Variants in EXOSC7 observed in about 807,000 individuals in gnomAD.
The protein encoded by EXOSC7 is exosome component 7.
In EXOSC7, 25 loss-of-function variants were observed where a neutral mutation model predicts 34.3. The ratio of observed to expected loss-of-function variants is 0.73; its 90% CI spans 0.53 to 1.02. EXOSC7 has a LOEUF of 1.02. Ranked by LOEUF, EXOSC7 falls within the 50% of genes least tolerant of loss-of-function variation. The pLI, the probability that EXOSC7 is intolerant of heterozygous loss-of-function variation, is 0.00. For missense variants in EXOSC7, 370 were observed against 368.5 expected (o/e 1.00, Z -0.03); for synonymous variants, 130 against 143.0 (o/e 0.91, Z 0.65).
chr3:45,011,231 A>G lies in EXOSC7; in HGVS notation c.772-4A>G. On this transcript the variant is annotated splice_region_variant and splice_polypyrimidine_tract_variant and intron_variant, in intron 7 of 7. Coordinates refer to ENST00000265564, the MANE Select transcript of EXOSC7 (RefSeq NM_015004.4). ...GTGTGCTCTCTCCCGTCCCTTCTCC[A>G]CAGACTGGCAAGCGTGTGGGCAAGG... is the stretch of plus-strand genomic sequence containing the variant. 1.2e-6 allele frequency: 2 copies of G among 1,604,548 alleles called. No homozygotes were observed. Among genetic ancestry groups the G allele is most frequent in the Non-Finnish European group, 8.5e-7 (1 of 1,173,928 alleles).
intron 7 of EXOSC7, 26 bp downstream of exon 7, chr3:45,007,601 G>T: frequency 6.4e-7 from 1 of 1,572,122 alleles, no homozygotes; most frequent in South Asian, 1.2e-5. Context: ...TGAGGAAGGT[G>T]CAGGGACCTG....
chr3:44,986,910 C>T (rs933423350), intron 1 of EXOSC7, among the ~76,000 whole-genome samples: 4 of 152,060 alleles, frequency 2.6e-5, no homozygotes, highest in African/African-American at 9.7e-5. Flanking sequence ...CAGTCACATA[C>T]TTTAGAGCAG....
At chr3:45,012,559 C>G (rs1697315184), downstream of EXOSC7, 1 of 152,234 alleles carries the variant, frequency 6.6e-6, no homozygotes, top group Admixed American at 6.5e-5. Flanking sequence ...TCAGCCTGGT[C>G]TCTCCTTCCC....
intron 1 of EXOSC7, among the ~76,000 whole-genome samples, chr3:44,979,321 TC>T (rs771407279): frequency 3.0e-4 from 46 of 152,366 alleles, no homozygotes; most frequent in Non-Finnish European, 6.2e-4. Context: ...GCTTGTATAG[TC>T]CTAGTCATTT....
At chr3:44,991,971 A>G (rs1010136031) in intron 3 of EXOSC7, among the ~76,000 whole-genome samples, 5 of 152,130 alleles carry the variant, frequency 3.3e-5, no homozygotes, top group African/African-American at 1.2e-4. Flanking sequence ...ACAAAACCCC[A>G]TTTCCTACAG....
intron 1 of EXOSC7, among the ~76,000 whole-genome samples, chr3:44,978,185 A>G (rs1031590247): frequency 2.0e-5 from 3 of 152,226 alleles, no homozygotes; most frequent in African/African-American, 7.2e-5. Context: ...GGGGCCGGGC[A>G]TTGTGGCTCA....
chr3:45,003,554 A>G (rs1164248253), intron 5 of EXOSC7, among the ~76,000 whole-genome samples: 1 of 152,114 alleles, frequency 6.6e-6, no homozygotes, highest in East Asian at 1.9e-4. Flanking sequence ...GGGCTCAATC[A>G]TGGGGGGTTT....
intron 7 of EXOSC7, among the ~76,000 whole-genome samples, chr3:45,007,881 C>T (rs996453536): frequency 6.6e-6 from 1 of 152,158 alleles, no homozygotes; most frequent in Non-Finnish European, 1.5e-5. Flanking sequence ...AAGAGCCACT[C>T]GTAACTCCAA....
chr3:44,989,504 C>A, intron 2 of EXOSC7, 46 bp from the exon 3 acceptor site: 1 of 1,458,162 alleles, frequency 6.9e-7, no homozygotes, highest in Non-Finnish European at 9.6e-7. Context: ...GGTGGAGTAC[C>A]TGGCTGCATA....
chr3:44,977,700 ATT>A (rs566697698), intron 1 of EXOSC7, among the ~76,000 whole-genome samples: 17 of 152,194 alleles, frequency 1.1e-4, no homozygotes, highest in Non-Finnish European at 2.4e-4. Context: ...TGTTCAGGTG[ATT>A]TTTATCCTCA....
rs990071673 is a variant in EXOSC7, at chr3:44,989,496, T to G, written c.160-54T>G. On this transcript the variant is annotated intron_variant, in intron 2 of 7. Transcript: ENST00000265564. The stretch of plus-strand genomic sequence containing the variant: ...TATGTCCAGAAGAGGAGGGAGGTGG[T>G]GGAGTACCTGGCTGCATACTCTGAG... 70 of 1,367,282 alleles carry G rather than the reference T, an allele frequency of 5.1e-5. No homozygotes were observed. In the East Asian group the frequency reaches 1.3e-3, roughly 25 times the overall value. The allele number at this position is 1,367,282 out of a possible 1,614,324, so 84.7% of individuals were successfully genotyped here.
At chr3:45,003,763 A>G (rs914779656) in intron 5 of EXOSC7, among the ~76,000 whole-genome samples, 3 of 152,146 alleles carry the variant, frequency 2.0e-5, no homozygotes, top group African/African-American at 4.8e-5. Context: ...CCCCCATGCA[A>G]TTACACTCAC....
At position 44,982,941 on chromosome 3, in the gene EXOSC7, G is replaced by T. The variant is rs140756556; in HGVS notation, c.58-6199G>T. The stretch of plus-strand genomic sequence containing the variant: ...AGCCTGCAAAGCTGGACCAAATGTG[G>T]CCCCTTTCCTAAGGGCGGGGGGCAG... On this transcript the variant is annotated intron_variant, in intron 1 of 7. Transcript: ENST00000265564. Among the ~76,000 whole-genome samples the T allele has an allele frequency of 5.9e-3, 895 of 152,342 alleles. 11 individuals are homozygous for T. The highest frequency in any genetic ancestry group is 0.02 in the African/African-American group (852 of 41,572).
intron 6 of EXOSC7, among the ~76,000 whole-genome samples, chr3:45,005,784 C>G (rs1399240784): frequency 2.0e-5 from 3 of 152,186 alleles, no homozygotes; most frequent in Non-Finnish European, 2.9e-5. Flanking sequence ...CACTGTCCCC[C>G]CTATGAAATG....
At position 45,011,236 on chromosome 3, in the gene EXOSC7, C is replaced by T; in HGVS notation, c.773C>T (p.Thr258Ile). 2 of 1,606,746 alleles carry T rather than the reference C, an allele frequency of 1.2e-6. No individual in the cohort carries two copies. The highest frequency in any genetic ancestry group is 2.2e-5 in the South Asian group (2 of 89,994). ...DPESIFEMME[T>I]GKRVGKVLHA... ...CTCTCTCCCGTCCCTTCTCCACAGA[C>T]TGGCAAGCGTGTGGGCAAGGTACTG... The change falls in exon 8 of 8, where the codon ACT (threonine) becomes ATT (isoleucine). Residue 258 changes from threonine to isoleucine, a missense_variant and splice_region_variant. Coordinates refer to ENST00000265564, the MANE Select transcript of EXOSC7 (RefSeq NM_015004.4).
At chr3:44,983,381 G>A (rs1019266338) in intron 1 of EXOSC7, among the ~76,000 whole-genome samples, 1 of 152,154 alleles carries the variant, frequency 6.6e-6, no homozygotes, top group Non-Finnish European at 1.5e-5. Context: ...GCTTTATGAC[G>A]TTTCTGTTCT....
intron 3 of EXOSC7, among the ~76,000 whole-genome samples, chr3:44,990,083 C>T (rs1559744731): frequency 6.6e-6 from 1 of 152,182 alleles, no homozygotes; most frequent in Non-Finnish European, 1.5e-5. Flanking sequence ...GCCTGACAGG[C>T]TGAGGAAGTG....
intron 2 of EXOSC7, 119 bp downstream of exon 2, chr3:44,989,360 G>C (rs962486287): frequency 1.1e-6 from 1 of 904,764 alleles, no homozygotes; most frequent in South Asian, 1.6e-5. Context: ...TCGAAGATCC[G>C]AGCCAAACTC....
downstream of EXOSC7, chr3:45,011,579 AC>A (rs1269184692): frequency 3.1e-6 from 1 of 324,068 alleles, no homozygotes. Flanking sequence ...GAGCTCTGCC[AC>A]CAAGGGAGAC....
Sources: allele counts gnomAD v4.1 joint callset (sites outside exome capture counted in the v4.1 genomes callset), GRCh38; gene constraint gnomAD v4.1.1; transcripts MANE v1.5; gene names NCBI Gene and HGNC (gene_info 2026-07-23, HGNC 2026-07-21).